The following KCNK2 variants were observed in gnomAD, a reference collection of about 807,000 sequenced individuals.
KCNK2 encodes potassium channel subfamily K member 2.
A neutral mutation model predicts 40.5 loss-of-function variants in KCNK2; 21 were observed. The ratio of observed to expected loss-of-function variants is 0.52; its 90% CI spans 0.37 to 0.75. The LOEUF (loss-of-function observed/expected upper bound fraction) is 0.75, where lower values mean the gene tolerates loss of function less well. Ranked by LOEUF, KCNK2 falls within the 30% of genes least tolerant of loss-of-function variation. The pLI is 0.00. For missense variants in KCNK2, 399 were observed against 531.6 expected, an observed-to-expected ratio of 0.75 and a Z score of 2.45; for synonymous variants, 191 against 202.2, an observed-to-expected ratio of 0.94 and a Z score of 0.47.
At chr1:215,048,528 A>C (rs964738494) in intron 1 of KCNK2, among the ~76,000 whole-genome samples, 3 of 152,228 alleles carry the variant, frequency 2.0e-5, no homozygotes, top group Non-Finnish European at 2.9e-5. Flanking sequence ...ACAAACACAT[A>C]CAACAACAAC....
intron 1 of KCNK2, among the ~76,000 whole-genome samples, chr1:215,075,138 A>G (rs763339348): frequency 1.3e-5 from 2 of 152,232 alleles, no homozygotes; most frequent in Non-Finnish European, 2.9e-5. Context: ...CTAAAAAGAA[A>G]TCATATCAGA....
At chr1:215,034,543 G>C (rs867891730) in intron 1 of KCNK2, among the ~76,000 whole-genome samples, 61 of 151,898 alleles carry the variant, frequency 4.0e-4, no homozygotes, top group Middle Eastern at 3.4e-3. Flanking sequence ...TCACCAGAGG[G>C]CTTGAAAGTT....
chr1:215,083,060 C>G lies in KCNK2; in HGVS notation c.-326C>G. ...AGGCGCGGGACCCGGGTCGCCCGCG[C>G]TCTCCGGGTGACCCGGGCCCGGCAG... On this transcript the variant is annotated 5_prime_UTR_variant, in exon 1 of 7. Transcript: ENST00000444842. 1 of 246,050 alleles carries G rather than the reference C, an allele frequency of 4.1e-6. No homozygotes were observed. Among genetic ancestry groups the G allele is most frequent in the South Asian group, 1.2e-4 (1 of 8,174 alleles). 15.2% of individuals were successfully genotyped at this position (246,050 alleles called of 1,614,324 possible).
At chr1:215,209,407 G>T (rs1454804463) in intron 6 of KCNK2, among the ~76,000 whole-genome samples, 9 of 14,002 alleles carry the variant, frequency 6.4e-4, no homozygotes, top group Non-Finnish European at 7.5e-4. Context: ...TATAAAATAT[G>T]CATATATTAT....
At chr1:215,231,587 A>T (rs1188986832) in intron 6 of KCNK2, among the ~76,000 whole-genome samples, 1 of 152,196 alleles carries the variant, frequency 6.6e-6, no homozygotes, top group Non-Finnish European at 1.5e-5. Context: ...CCTAAGACAC[A>T]CAATGAATAT....
intron 1 of KCNK2, among the ~76,000 whole-genome samples, chr1:215,058,870 T>G (rs1558072565): frequency 6.6e-6 from 1 of 152,148 alleles, no homozygotes; most frequent in East Asian, 1.9e-4. Context: ...AGACTCCTTC[T>G]TGTCATCCTG....
intron 3 of KCNK2, among the ~76,000 whole-genome samples, chr1:215,142,698 C>A (rs537159093): frequency 1.3e-5 from 2 of 152,150 alleles, no homozygotes; most frequent in African/African-American, 4.8e-5. Flanking sequence ...TAGTTGGTTG[C>A]CAATGAGTGC....
intron 6 of KCNK2, among the ~76,000 whole-genome samples, chr1:215,205,691 T>A (rs1479643622): frequency 2.0e-5 from 3 of 152,194 alleles, no homozygotes; most frequent in Non-Finnish European, 4.4e-5. Flanking sequence ...TGTGGATATT[T>A]AGCCAGAACA....
chr1:215,220,508 T>A (rs1666127457), intron 6 of KCNK2, among the ~76,000 whole-genome samples: 2 of 152,180 alleles, frequency 1.3e-5, no homozygotes, highest in South Asian at 4.1e-4. Flanking sequence ...ATTCTTCTCA[T>A]GCTGGTCTGG....
At chr1:215,230,703 C>T (rs1214151172) in intron 6 of KCNK2, among the ~76,000 whole-genome samples, 1 of 150,872 alleles carries the variant, frequency 6.6e-6, no homozygotes. Context: ...GGTTAAATTG[C>T]ATGGCTGTGG....
intron 2 of KCNK2, among the ~76,000 whole-genome samples, chr1:215,102,202 T>C (rs1399986547): frequency 1.3e-5 from 2 of 152,008 alleles, no homozygotes; most frequent in African/African-American, 2.4e-5. Flanking sequence ...ACAAGCATCA[T>C]GCATGTCATT....
chr1:215,116,052 T>C (rs1381178675), intron 2 of KCNK2, among the ~76,000 whole-genome samples: 4 of 151,724 alleles, frequency 2.6e-5, no homozygotes, highest in African/African-American at 4.8e-5. Context: ...TTGCCTGATA[T>C]ATAAATCTTC....
At chr1:215,067,093 C>T (rs1043772744) in intron 1 of KCNK2, among the ~76,000 whole-genome samples, 1 of 152,246 alleles carries the variant, frequency 6.6e-6, no homozygotes, top group East Asian at 1.9e-4. Flanking sequence ...TGAACTGGGA[C>T]TATGGCTGTA....
At chr1:215,215,438 A>G (rs1043248902) in intron 6 of KCNK2, among the ~76,000 whole-genome samples, 1 of 152,194 alleles carries the variant, frequency 6.6e-6, no homozygotes, top group Non-Finnish European at 1.5e-5. Context: ...AGGTCAAATC[A>G]TGTTCTCTAA....
chr1:215,011,850 C>T (rs1656407786), intron 1 of KCNK2, among the ~76,000 whole-genome samples: 1 of 151,714 alleles, frequency 6.6e-6, no homozygotes, highest in South Asian at 2.1e-4. Context: ...TCGTGATCCA[C>T]CCGCCTCGGC....
chr1:215,030,438 G>T (rs1407678088), intron 1 of KCNK2, among the ~76,000 whole-genome samples: 1 of 151,860 alleles, frequency 6.6e-6, no homozygotes. Flanking sequence ...TTTCTATTAT[G>T]GATTGTGCCT....
chr1:215,044,512 G>C (rs1249190111), intron 1 of KCNK2, among the ~76,000 whole-genome samples: 1 of 151,842 alleles, frequency 6.6e-6, no homozygotes, highest in Non-Finnish European at 1.5e-5. Context: ...TATCAAATGG[G>C]AATAATAATA....
intron 3 of KCNK2, among the ~76,000 whole-genome samples, chr1:215,137,619 C>A (rs1661988590): frequency 6.6e-6 from 1 of 152,118 alleles, no homozygotes; most frequent in South Asian, 2.1e-4. Context: ...TCACTTTGTG[C>A]TTTTGACCAG....
intron 5 of KCNK2, among the ~76,000 whole-genome samples, chr1:215,193,708 C>T (rs1460526744): frequency 2.0e-5 from 3 of 152,112 alleles, no homozygotes; most frequent in African/African-American, 4.8e-5. Flanking sequence ...TAGTCAAACA[C>T]GAATACACAG....
Sources: gnomAD v4.1 joint callset for allele counts (sites outside exome capture counted in the v4.1 genomes callset) on GRCh38, gnomAD v4.1.1 for gene constraint, MANE v1.5 for transcripts, NCBI Gene and HGNC (gene_info 2026-07-23, HGNC 2026-07-21) for gene names.